HTR1F: variants seen among roughly 807,000 people sequenced by gnomAD.
HTR1F encodes the protein 5-hydroxytryptamine receptor 1F, also known as 5-hydroxytryptamine (serotonin) receptor 1F, G protein-coupled.
Under a neutral mutation model 24.0 loss-of-function variants are expected in HTR1F, and 17 were observed. That is an observed-to-expected ratio of 0.71 (90% CI 0.48 to 1.06). HTR1F has a LOEUF of 1.06. Ranked by LOEUF, HTR1F falls within the 50% of genes least tolerant of loss-of-function variation. The probability of loss-of-function intolerance (pLI) is 0.00; values close to 1 mark genes in which losing one functional copy is unlikely to be tolerated. For missense variants in HTR1F, 391 were observed against 427.8 expected, an observed-to-expected ratio of 0.91 and a Z score of 0.76; for synonymous variants, 186 against 156.8, an observed-to-expected ratio of 1.19 and a Z score of -1.39.
intron 2 of HTR1F, among the ~76,000 whole-genome samples, chr3:87,832,055 G>T (rs1313899504): frequency 2.6e-5 from 4 of 152,072 alleles, no homozygotes; most frequent in South Asian, 2.1e-4. Context: ...CAGGTGGTAA[G>T]AATTTCAAGC....
intron 2 of HTR1F, among the ~76,000 whole-genome samples, chr3:87,880,763 A>ATAATAGGT (rs1245773682): frequency 3.3e-5 from 5 of 152,002 alleles, no homozygotes; most frequent in African/African-American, 7.3e-5. Context: ...CAAAGTAGCA[A>ATAATAGGT]TAATAGGTAA....
At chr3:87,958,785 A>G (rs1705000031) in intron 2 of HTR1F, among the ~76,000 whole-genome samples, 2 of 151,430 alleles carry the variant, frequency 1.3e-5, no homozygotes, top group African/African-American at 4.8e-5. Context: ...TGCCAATCTG[A>G]TTGTGCCTTA....
intron 2 of HTR1F, among the ~76,000 whole-genome samples, chr3:87,950,008 C>T (rs1221666602): frequency 6.6e-6 from 1 of 152,194 alleles, no homozygotes; most frequent in Non-Finnish European, 1.5e-5. Context: ...TACCTCAAAA[C>T]ACAGCAGAGA....
At chr3:87,918,706 C>T (rs565600480) in intron 2 of HTR1F, among the ~76,000 whole-genome samples, 1 of 152,078 alleles carries the variant, frequency 6.6e-6, no homozygotes, top group Admixed American at 6.6e-5. Context: ...CGAAACACTG[C>T]TGAAAGAAAT....
chr3:87,945,565 G>A (rs1704678319), intron 2 of HTR1F, among the ~76,000 whole-genome samples: 1 of 152,174 alleles, frequency 6.6e-6, no homozygotes, highest in Non-Finnish European at 1.5e-5. Flanking sequence ...GGGAGTTCAG[G>A]ATGACAGCTT....
intron 2 of HTR1F, among the ~76,000 whole-genome samples, chr3:87,916,000 G>T (rs1703883668): frequency 6.6e-6 from 1 of 152,118 alleles, no homozygotes; most frequent in South Asian, 2.1e-4. Context: ...CAGATTAACA[G>T]CAGATTTCTC....
At chr3:87,973,005 CAA>C (rs34843722) in intron 2 of HTR1F, among the ~76,000 whole-genome samples, 2 of 141,142 alleles carry the variant, frequency 1.4e-5, no homozygotes. Context: ...TACTAAAATA[CAA>C]AAAAAAAAAA....
At chr3:87,815,788 AGCATATG>A (rs1704239841) in intron 1 of HTR1F, among the ~76,000 whole-genome samples, 1 of 152,122 alleles carries the variant, frequency 6.6e-6, no homozygotes, top group Non-Finnish European at 1.5e-5. Flanking sequence ...TTCTTCATAT[AGCATATG>A]GTAATGTCTT....
At chr3:87,942,717 G>A (rs1161819423) in intron 2 of HTR1F, among the ~76,000 whole-genome samples, 2 of 151,472 alleles carry the variant, frequency 1.3e-5, no homozygotes, top group East Asian at 3.9e-4. Flanking sequence ...ACTTGCCTGA[G>A]GGCCATGACT....
chr3:87,907,006 C>A (rs59703125), intron 2 of HTR1F, among the ~76,000 whole-genome samples: 13,496 of 151,990 alleles, frequency 0.089, 642 homozygotes, highest in African/African-American at 0.12. Flanking sequence ...GCATGTGCAA[C>A]TATCTTTTTT....
intron 2 of HTR1F, among the ~76,000 whole-genome samples, chr3:87,870,829 GA>G (rs1231433360): frequency 3.3e-5 from 5 of 152,106 alleles, no homozygotes; most frequent in East Asian, 3.9e-4. Flanking sequence ...TCTCTAATTG[GA>G]AATTTATATG....
intron 2 of HTR1F, among the ~76,000 whole-genome samples, chr3:87,913,442 G>A (rs1310097359): frequency 6.6e-6 from 1 of 152,102 alleles, no homozygotes; most frequent in Non-Finnish European, 1.5e-5. Context: ...AATAACAGAT[G>A]CTAGTGAGTT....
chr3:87,946,616 T>C lies in HTR1F; in HGVS notation c.-42-44092T>C, dbSNP rs1190232260. Among the ~76,000 whole-genome samples, 4 of 93,142 alleles carry C rather than the reference T, an allele frequency of 4.3e-5. No individual in the cohort carries two copies. The East Asian group carries it at 9.3e-4, about 22-fold the overall frequency. The allele number at this position is 93,142 out of a possible 152,430, so 61.1% of individuals were successfully genotyped here. Reference sequence around the variant, plus strand: ...TTACATATATGTGTGTGTGTGTATATATATATATATATTTTTTTTTTTTTT... The same window carrying C: ...TTACATATATGTGTGTGTGTGTATACATATATATATATTTTTTTTTTTTTT... On this transcript the variant is annotated intron_variant, in intron 2 of 2. Transcript: ENST00000319595.
chr3:87,982,171 C>T (rs574390229), intron 2 of HTR1F, among the ~76,000 whole-genome samples: 4 of 152,302 alleles, frequency 2.6e-5, no homozygotes, highest in South Asian at 2.1e-4. Context: ...GATCCACCCA[C>T]CTTGGCCTCC....
At chr3:87,892,572 G>C (rs1706107771) in intron 2 of HTR1F, among the ~76,000 whole-genome samples, 1 of 152,110 alleles carries the variant, frequency 6.6e-6, no homozygotes, top group South Asian at 2.1e-4. Context: ...AATCAGGCTT[G>C]AAAGGAGACA....
At chr3:87,892,463 A>G (rs532682159) in intron 2 of HTR1F, among the ~76,000 whole-genome samples, 105 of 152,320 alleles carry the variant, frequency 6.9e-4, no homozygotes, top group African/African-American at 2.4e-3. Context: ...CATAGTGGAA[A>G]GAATTTGAGC....
chr3:87,991,925 A>C lies in HTR1F; in HGVS notation c.*75A>C. On this transcript the variant is annotated 3_prime_UTR_variant, in exon 3 of 3. Coordinates refer to ENST00000319595, the MANE Select transcript of HTR1F (RefSeq NM_001322209.2). ...AACTAGATGAATGCCAAATAATAAA[A>C]CACTTAAGCTTTTAGAGGGAAATAC... The C allele has an allele frequency of 7.8e-7, 1 of 1,279,746 alleles. No individual in the cohort carries two copies. The highest frequency in any genetic ancestry group is 1.1e-6 in the Non-Finnish European group (1 of 931,826). The allele number at this position is 1,279,746 out of a possible 1,614,324, so 79.3% of individuals were successfully genotyped here. A position where few individuals can be genotyped will look rare whatever the true frequency, so the allele number is the denominator to read the frequency against.
intron 2 of HTR1F, among the ~76,000 whole-genome samples, chr3:87,923,886 T>A (rs538685377): frequency 2.0e-5 from 3 of 152,220 alleles, no homozygotes; most frequent in Admixed American, 2.0e-4. Context: ...GCTGTTGGAT[T>A]TGGCTTGCTA....
At chr3:87,893,125 T>A (rs1706120884) in intron 2 of HTR1F, among the ~76,000 whole-genome samples, 1 of 152,186 alleles carries the variant, frequency 6.6e-6, no homozygotes, top group Admixed American at 6.6e-5. Flanking sequence ...CCTGATGCAC[T>A]TTAATTTCTA....
Sources: gnomAD v4.1 joint callset for allele counts (sites outside exome capture counted in the v4.1 genomes callset) on GRCh38, gnomAD v4.1.1 for gene constraint, MANE v1.5 for transcripts, NCBI Gene and HGNC (gene_info 2026-07-23, HGNC 2026-07-21) for gene names.